The following SFTPB variants were observed in gnomAD, a reference collection of about 807,000 sequenced individuals.
The protein encoded by SFTPB is pulmonary surfactant-associated protein B.
A neutral mutation model predicts 51.0 loss-of-function variants in SFTPB; 32 were observed. That is an observed-to-expected ratio of 0.63 (90% CI 0.47 to 0.84). The LOEUF (loss-of-function observed/expected upper bound fraction) is 0.84, where lower values mean the gene tolerates loss of function less well. SFTPB is among the 40% of genes least tolerant of loss of function. The pLI, the probability that SFTPB is intolerant of heterozygous loss-of-function variation, is 0.00. For missense variants in SFTPB, 431 were observed against 491.2 expected, an observed-to-expected ratio of 0.88 and a Z score of 1.16; for synonymous variants, 211 against 208.5, an observed-to-expected ratio of 1.01 and a Z score of -0.10.
At position 85,661,501 on chromosome 2, in the gene SFTPB, A is replaced by G. The variant is rs1396880503; in HGVS notation, c.1118T>C (p.Leu373Pro). 1 of 1,612,278 alleles carries G rather than the reference A, an allele frequency of 6.2e-7. No homozygotes were observed. Among genetic ancestry groups the G allele is most frequent in the Non-Finnish European group, 8.5e-7 (1 of 1,179,312 alleles). The change falls in exon 10 of 11, where the codon CTC becomes CCC. Residue 373 changes from leucine to proline, a missense_variant. Leu to Pro is a moderately conservative substitution (Grantham distance 98). Coordinates refer to ENST00000519937, the MANE Select transcript of SFTPB (RefSeq NM_000542.5). Reference sequence around the variant, plus strand: ...AAGGTCGGGGCTGTGGATACACTGGAGAGGGCTGGACATGGTCCCACACAC... The same window carrying G: ...AAGGTCGGGGCTGTGGATACACTGGGGAGGGCTGGACATGGTCCCACACAC... ...LGVCGTMSSP[L>P]QCIHSPDL
At position 85,666,624 on chromosome 2, in the gene SFTPB, T is replaced by A. The variant is rs1416151726; in HGVS notation, c.386A>T (p.Asn129Ile). 9 of 1,613,302 alleles carry A rather than the reference T, an allele frequency of 5.6e-6. No homozygotes were observed. The highest frequency in any genetic ancestry group is 7.6e-6 in the Non-Finnish European group (9 of 1,179,714). The stretch of plus-strand genomic sequence containing the variant: ...TGAGCTTGCAGCCCTCACAGTCTGG[T>A]TCTGGAAGTAGTCGATGACCAGGGG... ...YFPLVIDYFQ[N>I]QTDSNGICMH... The change falls in exon 4 of 11, where the codon AAC becomes ATC. Residue 129 changes from asparagine (N) to isoleucine (I), a missense_variant. Physicochemically the swap from Asn to Ile is moderately radical, Grantham distance 149 (BLOSUM62 -3). Transcript: ENST00000519937.
chr2:85,660,743 C>A (rs552093087), intron 10 of SFTPB, among the ~76,000 whole-genome samples: 3 of 152,324 alleles, frequency 2.0e-5, no homozygotes, highest in African/African-American at 7.2e-5. Flanking sequence ...GCGTGAGCCA[C>A]CATGCCTGGC....
rs34334231 is a variant in SFTPB at position 85,666,423 on chromosome 2, T to TTGTGTG, written c.393+188_393+193dup. ...TGTGTGTGTCCGGCCAGCTGGGGTG[T>TTGTGTG]TGTGTGTGTGTGTGTGTGTGTGTCC... is the stretch of plus-strand genomic sequence containing the variant. On this transcript the variant is annotated intron_variant, in intron 4 of 10. Coordinates refer to ENST00000519937, the MANE Select transcript of SFTPB (RefSeq NM_000542.5). 2.4e-3 allele frequency: 1,000 copies of TTGTGTG among 419,390 alleles called. 8 individuals carry two copies. Among genetic ancestry groups the TTGTGTG allele is most frequent in the Admixed American group, 0.023 (672 of 29,546 alleles). 26.0% of individuals were successfully genotyped at this position (419,390 alleles called of 1,614,324 possible).
Position 85,663,794 on chromosome 2 carries a change from C to A in SFTPB, c.726G>T (p.Ala242=), listed in dbSNP as rs144359413. 2 of 1,602,550 alleles carry A rather than the reference C, an allele frequency of 1.2e-6. No individual in the cohort carries two copies. The highest frequency in any genetic ancestry group is 1.7e-6 in the Non-Finnish European group (2 of 1,175,920). Residue 242 remains alanine, a synonymous_variant, in exon 7 of 11, where the codon GCG becomes GCT. Transcript: ENST00000519937. Reference sequence around the variant, plus strand: ...CAGCCAGGCACTGGCAGATGCCGCCCGCCACCAGAGGTACCACGCGGCACA... The same window carrying A: ...CAGCCAGGCACTGGCAGATGCCGCCAGCCACCAGAGGTACCACGCGGCACA... ...AQVCRVVPLV[A]GGICQCLAER...
rs746597889 is a variant in SFTPB, at chr2:85,663,776, G to T, written c.744C>A (p.Cys248Ter). Residue 248 changes from cysteine to a stop codon, truncating the protein, a stop_gained, in exon 7 of 11, where the codon TGC becomes TGA. Coordinates refer to ENST00000519937, the MANE Select transcript of SFTPB (RefSeq NM_000542.5). LOFTEE classifies it high-confidence loss of function. Reference sequence around the variant, plus strand: ...GGATGACGGAGTAGCGCTCAGCCAGGCACTGGCAGATGCCGCCCGCCACCA... The same window carrying T: ...GGATGACGGAGTAGCGCTCAGCCAGTCACTGGCAGATGCCGCCCGCCACCA... The part of the protein sequence containing the change: ...VPLVAGGICQ[C>*]LAERYSVILL... 2.8e-5 allele frequency: 45 copies of T among 1,605,632 alleles called. No individual in the cohort carries two copies. Among genetic ancestry groups the T allele is most frequent in the Non-Finnish European group, 3.7e-5 (44 of 1,177,102 alleles).
At chr2:85,661,629 C>T (rs535050091) in intron 9 of SFTPB, 94 bp from the exon 10 acceptor site, 23 of 1,044,814 alleles carry the variant, frequency 2.2e-5, no homozygotes, top group Admixed American at 6.0e-5. Context: ...CTCCACCTCC[C>T]GCCTAGTGGG....
chr2:85,665,931 G>T, intron 4 of SFTPB, 137 bp from the exon 5 acceptor site: 1 of 775,402 alleles, frequency 1.3e-6, no homozygotes, highest in Admixed American at 2.5e-5. Flanking sequence ...AGAACTCTAT[G>T]TGGGGGGACA....
Sources: gnomAD v4.1 joint callset for allele counts (sites outside exome capture counted in the v4.1 genomes callset) on GRCh38, gnomAD v4.1.1 for gene constraint, MANE v1.5 for transcripts, NCBI Gene and HGNC (gene_info 2026-07-23, HGNC 2026-07-21) for gene names.